The following EPHA6 variants were observed in gnomAD, a reference collection of about 807,000 sequenced individuals.
The protein encoded by EPHA6 is EPH receptor A6, also known as ephrin type-A receptor 6.
EPHA6 carries 50 observed loss-of-function variants against 112.0 expected under a neutral mutation model. That is an observed-to-expected ratio of 0.45 (90% CI 0.36 to 0.56). The LOEUF is 0.56. EPHA6 is among the 20% of genes least tolerant of loss of function. The pLI, the probability that EPHA6 is intolerant of heterozygous loss-of-function variation, is 0.00. For missense variants in EPHA6, 1,280 were observed against 1,417.4 expected, an observed-to-expected ratio of 0.90 and a Z score of 1.56; for synonymous variants, 529 against 490.7, an observed-to-expected ratio of 1.08 and a Z score of -1.03.
chr3:97,011,517 A>G (rs1349193040), intron 3 of EPHA6, among the ~76,000 whole-genome samples: 1 of 152,226 alleles, frequency 6.6e-6, no homozygotes, highest in Non-Finnish European at 1.5e-5. Flanking sequence ...CAAACTGGCT[A>G]TACTGGTTAC....
chr3:97,356,044 A>T (rs756368466), intron 5 of EPHA6, among the ~76,000 whole-genome samples: 1 of 152,216 alleles, frequency 6.6e-6, no homozygotes, highest in Non-Finnish European at 1.5e-5. Context: ...GAGCGAGCAA[A>T]GCTTCATCTG....
intron 2 of EPHA6, among the ~76,000 whole-genome samples, chr3:96,878,422 G>A (rs763057407): frequency 3.9e-5 from 6 of 151,932 alleles, no homozygotes; most frequent in Non-Finnish European, 8.8e-5. Context: ...TGTAAGTGAT[G>A]CTAAGGCATG....
chr3:97,279,087 A>G (rs1049791733), intron 5 of EPHA6, among the ~76,000 whole-genome samples: 2 of 152,154 alleles, frequency 1.3e-5, no homozygotes, highest in Non-Finnish European at 2.9e-5. Flanking sequence ...TGGATTCTTT[A>G]CAAGCAATTT....
intron 7 of EPHA6, among the ~76,000 whole-genome samples, chr3:97,470,694 C>A (rs2091203993): frequency 1.3e-5 from 2 of 151,372 alleles, no homozygotes; most frequent in South Asian, 4.1e-4. Flanking sequence ...TGGAAACAAA[C>A]CACACTTAAT....
intron 11 of EPHA6, among the ~76,000 whole-genome samples, chr3:97,537,465 T>C (rs1197077368): frequency 2.6e-5 from 4 of 152,128 alleles, no homozygotes; most frequent in African/African-American, 9.7e-5. Context: ...AACAAATAAG[T>C]GTGTCATTAT....
At chr3:96,974,593 A>G (rs935992009) in intron 2 of EPHA6, among the ~76,000 whole-genome samples, 5 of 152,046 alleles carry the variant, frequency 3.3e-5, no homozygotes, top group Admixed American at 1.3e-4. Flanking sequence ...CGAATTATAC[A>G]TGCTTCTACA....
At chr3:96,845,967 G>T (rs1272782187) in intron 1 of EPHA6, among the ~76,000 whole-genome samples, 1 of 151,898 alleles carries the variant, frequency 6.6e-6, no homozygotes, top group Non-Finnish European at 1.5e-5. Context: ...TTTTAGAATA[G>T]AATTATAGAA....
At chr3:97,313,176 T>G (rs1026116309) in intron 5 of EPHA6, among the ~76,000 whole-genome samples, 1 of 151,616 alleles carries the variant, frequency 6.6e-6, no homozygotes, top group East Asian at 1.9e-4. Flanking sequence ...TATTTGTGTT[T>G]CTTTGTCTGG....
intron 3 of EPHA6, among the ~76,000 whole-genome samples, chr3:97,152,844 A>AG (rs1236736159): frequency 6.6e-6 from 1 of 152,106 alleles, no homozygotes; most frequent in Non-Finnish European, 1.5e-5. Context: ...TGATAATTAA[A>AG]GCCATCCCTG....
intron 6 of EPHA6, among the ~76,000 whole-genome samples, chr3:97,430,523 A>G (rs1035446149): frequency 1.3e-4 from 20 of 152,238 alleles, no homozygotes; most frequent in African/African-American, 4.8e-4. Context: ...TATTGGAATA[A>G]GCCTCAAATC....
At chr3:97,246,331 C>T (rs2078985976) in intron 5 of EPHA6, among the ~76,000 whole-genome samples, 1 of 151,836 alleles carries the variant, frequency 6.6e-6, no homozygotes, top group African/African-American at 2.4e-5. Context: ...AATATGCTTA[C>T]ATAATTTCAC....
intron 2 of EPHA6, among the ~76,000 whole-genome samples, chr3:96,982,653 G>T (rs1418349689): frequency 6.6e-6 from 1 of 152,030 alleles, no homozygotes; most frequent in Non-Finnish European, 1.5e-5. Flanking sequence ...TTGACAGTGG[G>T]GTGTTAAAGT....
chr3:97,328,008 T>TCACAC (rs2082548940), intron 5 of EPHA6, among the ~76,000 whole-genome samples: 2 of 135,698 alleles, frequency 1.5e-5, no homozygotes, highest in African/African-American at 6.3e-5. Context: ...TATGTATATG[T>TCACAC]ATATGTGTAT....
At position 97,345,708 on chromosome 3, in the gene EPHA6, A is replaced by G. The variant is rs138200045; in HGVS notation, c.1607-59442A>G. On this transcript the variant is annotated intron_variant, in intron 5 of 17. Coordinates refer to ENST00000389672, the MANE Select transcript of EPHA6 (RefSeq NM_001080448.3). ...ACACTATATTCTGAATTCCAGAAAC[A>G]TGTATATATATATGTAAACATATGG... Among the ~76,000 whole-genome samples the G allele has an allele frequency of 7.5e-3, 1,140 of 152,268 alleles. 12 individuals are homozygous for G. The highest frequency in any genetic ancestry group is 0.026 in the African/African-American group (1,090 of 41,556).
intron 5 of EPHA6, among the ~76,000 whole-genome samples, chr3:97,327,822 C>A (rs999104607): frequency 7.3e-6 from 1 of 136,296 alleles, no homozygotes; most frequent in African/African-American, 3.0e-5. Flanking sequence ...GAATGATATT[C>A]CTTGGTGTGT....
At chr3:96,994,732 TAGAGAGAGAGAG>T (rs71623564) in intron 3 of EPHA6, among the ~76,000 whole-genome samples, 1 of 82,218 alleles carries the variant, frequency 1.2e-5, no homozygotes, top group Non-Finnish European at 2.2e-5. Flanking sequence ...TATATATATA[TAGAGAGAGAGAG>T]AGAGAGAGAG....
intron 14 of EPHA6, among the ~76,000 whole-genome samples, chr3:97,680,333 C>T (rs1560260485): frequency 6.6e-6 from 1 of 152,186 alleles, no homozygotes; most frequent in South Asian, 2.1e-4. Flanking sequence ...TAGAAACACA[C>T]TTTCATCAGG....
intron 3 of EPHA6, among the ~76,000 whole-genome samples, chr3:97,053,481 T>C (rs2045752502): frequency 6.6e-6 from 1 of 152,016 alleles, no homozygotes; most frequent in South Asian, 2.1e-4. Flanking sequence ...ATTACTAAAT[T>C]AACTAGACTG....
chr3:97,693,393 T>C (rs1238307954), intron 14 of EPHA6, among the ~76,000 whole-genome samples: 1 of 152,256 alleles, frequency 6.6e-6, no homozygotes, highest in Non-Finnish European at 1.5e-5. Flanking sequence ...AAATCATATT[T>C]AGTCTTCTTC....
Sources: allele counts gnomAD v4.1 joint callset (sites outside exome capture counted in the v4.1 genomes callset), GRCh38; gene constraint gnomAD v4.1.1; transcripts MANE v1.5; gene names NCBI Gene and HGNC (gene_info 2026-07-23, HGNC 2026-07-21).